The following NRG4 variants were observed in gnomAD, a reference collection of about 807,000 sequenced individuals.
The protein encoded by NRG4 is pro-neuregulin-4, membrane-bound isoform.
Under a neutral mutation model 15.0 loss-of-function variants are expected in NRG4, and 10 were observed. The ratio of observed to expected loss-of-function variants is 0.67; its 90% CI spans 0.41 to 1.13. NRG4 has a LOEUF of 1.13. NRG4 is among the 50% of genes most tolerant of loss of function. NRG4 has a pLI of 0.00. For missense variants in NRG4, 139 were observed against 140.2 expected, an observed-to-expected ratio of 0.99 and a Z score of 0.04; for synonymous variants, 41 against 50.1, an observed-to-expected ratio of 0.82 and a Z score of 0.77.
intron 5 of NRG4, among the ~76,000 whole-genome samples, chr15:76,021,775 G>A (rs2035161531): frequency 6.6e-6 from 1 of 152,150 alleles, no homozygotes; most frequent in Admixed American, 6.5e-5. Flanking sequence ...ATGCAAATAA[G>A]CAACCTTTAG....
At chr15:76,037,413 G>A (rs992745775) in intron 4 of NRG4, among the ~76,000 whole-genome samples, 3 of 152,148 alleles carry the variant, frequency 2.0e-5, no homozygotes, top group African/African-American at 4.8e-5. Flanking sequence ...CACAGAGACT[G>A]TGAGACTTTA....
intron 5 of NRG4, chr15:75,945,931 G>C (rs547613381): frequency 1.3e-5 from 2 of 152,234 alleles, no homozygotes; most frequent in South Asian, 4.1e-4. Context: ...AGTAAGATTA[G>C]CAATAACTAA....
At chr15:75,957,901 T>A (rs1156554326) in intron 4 of NRG4, among the ~76,000 whole-genome samples, 1 of 152,200 alleles carries the variant, frequency 6.6e-6, no homozygotes, top group Non-Finnish European at 1.5e-5. Context: ...ATTTTAAAAA[T>A]TTATTGAAGA....
chr15:76,038,702 G>A (rs2035655475), intron 4 of NRG4, among the ~76,000 whole-genome samples: 2 of 152,220 alleles, frequency 1.3e-5, no homozygotes, highest in South Asian at 4.1e-4. Context: ...CTGAAGGGAA[G>A]GACACAAGCC....
upstream of NRG4, among the ~76,000 whole-genome samples, chr15:76,016,847 TC>T (rs1362313864): frequency 6.6e-6 from 1 of 152,216 alleles, no homozygotes; most frequent in Non-Finnish European, 1.5e-5. Flanking sequence ...GTCTATTAGG[TC>T]CACTTGGTCC....
At chr15:76,049,473 A>G (rs930692207) in intron 4 of NRG4, among the ~76,000 whole-genome samples, 1 of 150,240 alleles carries the variant, frequency 6.7e-6, no homozygotes, top group African/African-American at 2.5e-5. Context: ...TCTACACCCA[A>G]TTCTTCAACA....
chr15:76,028,338 A>G (rs1444321003), intron 5 of NRG4, among the ~76,000 whole-genome samples: 1 of 152,140 alleles, frequency 6.6e-6, no homozygotes. Flanking sequence ...GATACCACAG[A>G]AATACAAAGG....
chr15:75,997,342 G>A (rs534884792), intron 3 of NRG4, among the ~76,000 whole-genome samples: 1 of 151,554 alleles, frequency 6.6e-6, no homozygotes, highest in Non-Finnish European at 1.5e-5. Flanking sequence ...TTCTTTGCTT[G>A]GTATTAAATA....
chr15:75,968,920 C>G (rs1229276007), intron 3 of NRG4, among the ~76,000 whole-genome samples: 1 of 152,032 alleles, frequency 6.6e-6, no homozygotes, highest in Non-Finnish European at 1.5e-5. Context: ...GTAACAATTT[C>G]AATAAATATA....
rs527594278 is a variant in NRG4 at position 75,977,112 on chromosome 15, C to G, written c.105-15138G>C. ...GCTCTGCCCTGTCCAAACTTCCCAG[C>G]AGTTTTGTTTACACTATGAGGGGAA... On this transcript the variant is annotated intron_variant, in intron 3 of 5. Transcript: ENST00000394907. This position sits in a 1 kb window ranked among gnomAD's most constrained non-coding sequence, Gnocchi z 4.9. 2.0e-5 allele frequency among the ~76,000 whole-genome samples: 3 copies of G among 152,210 alleles called. No homozygotes were observed. The highest frequency in any genetic ancestry group is 6.5e-5 in the Admixed American group (1 of 15,278).
rs115341861 is a variant in NRG4, at chr15:76,006,792, C to T, written c.104+2408G>A. On this transcript the variant is annotated intron_variant, in intron 3 of 5. Transcript: ENST00000394907. ...TAACTTTTTGAAAATACACTAAAAA[C>T]GCATCTATCCAACGTACAAAAGCAG... is the stretch of plus-strand genomic sequence containing the variant. 7.2e-3 allele frequency among the ~76,000 whole-genome samples: 1,102 copies of T among 152,278 alleles called. 19 individuals carry two copies. The highest frequency in any genetic ancestry group is 0.024 in the African/African-American group (1,009 of 41,556).
At chr15:76,041,195 A>G (rs896961211) in intron 4 of NRG4, among the ~76,000 whole-genome samples, 1 of 152,156 alleles carries the variant, frequency 6.6e-6, no homozygotes, top group Non-Finnish European at 1.5e-5. Flanking sequence ...ATTAAATTAT[A>G]CCACCAGAGA....
At chr15:76,027,587 A>G (rs1179480381) in intron 5 of NRG4, among the ~76,000 whole-genome samples, 3 of 152,154 alleles carry the variant, frequency 2.0e-5, no homozygotes, top group South Asian at 4.1e-4. Context: ...ACAGACTTCA[A>G]TACAATAATA....
At chr15:75,994,087 G>A (rs1386956992) in intron 3 of NRG4, among the ~76,000 whole-genome samples, 2 of 152,168 alleles carry the variant, frequency 1.3e-5, no homozygotes, top group Non-Finnish European at 2.9e-5. Context: ...GACCTTACGA[G>A]TGACATGTTG....
intron 3 of NRG4, among the ~76,000 whole-genome samples, chr15:75,976,599 C>T (rs1043191955): frequency 2.0e-5 from 3 of 152,184 alleles, no homozygotes; most frequent in African/African-American, 7.2e-5. Context: ...TGCTGCAGGT[C>T]TGCTGGAGTT....
chr15:76,022,605 G>A (rs910026963), intron 5 of NRG4, among the ~76,000 whole-genome samples: 2 of 152,174 alleles, frequency 1.3e-5, no homozygotes, highest in African/African-American at 4.8e-5. Context: ...TCAAATAATT[G>A]CAGGTGGATC....
At chr15:76,014,103 G>C (rs900290037), upstream of NRG4, among the ~76,000 whole-genome samples, 1 of 152,104 alleles carries the variant, frequency 6.6e-6, no homozygotes, top group Non-Finnish European at 1.5e-5. Context: ...GTGATGATGA[G>C]CTTTTTTTCA....
intron 3 of NRG4, among the ~76,000 whole-genome samples, chr15:75,998,203 T>C (rs1023657663): frequency 6.6e-6 from 1 of 152,146 alleles, no homozygotes; most frequent in African/African-American, 2.4e-5. Context: ...GCACGGAAAA[T>C]CTCAGTGAAC....
chr15:75,986,205 A>G (rs1490467171), intron 3 of NRG4, among the ~76,000 whole-genome samples: 2 of 152,202 alleles, frequency 1.3e-5, no homozygotes, highest in Non-Finnish European at 2.9e-5. Flanking sequence ...GTTAGGCAAC[A>G]TACTCTGCTA....
Sources: gnomAD v4.1 joint callset for allele counts (sites outside exome capture counted in the v4.1 genomes callset) on GRCh38, gnomAD v4.1.1 for gene constraint, Gnocchi (gnomAD v3.1) non-coding constraint, MANE v1.5 for transcripts, NCBI Gene and HGNC (gene_info 2026-07-23, HGNC 2026-07-21) for gene names.